Variants in MEAK7 observed in about 807,000 individuals in gnomAD.
The protein encoded by MEAK7 is MTOR associated protein MEAK7.
Under a neutral mutation model 40.5 loss-of-function variants are expected in MEAK7, and 68 were observed. That is an observed-to-expected ratio of 1.68 (90% CI 1.38 to 2.06). MEAK7 has a LOEUF of 2.06. Ranked by LOEUF, MEAK7 falls within the 30% of genes most tolerant of loss-of-function variation. MEAK7 has a pLI of 0.00. For missense variants in MEAK7, 918 were observed against 580.5 expected, an observed-to-expected ratio of 1.58 and a Z score of -5.98; for synonymous variants, 338 against 231.9, an observed-to-expected ratio of 1.46 and a Z score of -4.16.
chr16:84,496,234 G>C (rs1444619433), intron 2 of MEAK7, among the ~76,000 whole-genome samples: 2 of 152,138 alleles, frequency 1.3e-5, no homozygotes, highest in African/African-American at 4.8e-5. Context: ...ATGGTGCCCT[G>C]CATTTACTTA....
At position 84,486,850 on chromosome 16, in the gene MEAK7, C is replaced by G; in HGVS notation, c.739G>C (p.Asp247His). The G allele has an allele frequency of 6.2e-7, 1 of 1,614,152 alleles. No individual in the cohort carries two copies. The highest frequency in any genetic ancestry group is 1.1e-5 in the South Asian group (1 of 91,072). ...DQGRGFESILDVLSVMYINAQ... is the reference protein window; with the variant it reads ...DQGRGFESILHVLSVMYINAQ... ...TTGATGTACATGACAGAGAGGACAT[C>G]CAGGATGCTCTCAAAACCCCTGCCC... The change falls in exon 5 of 8, where the codon GAT (aspartate) becomes CAT (histidine). Residue 247 changes from aspartate (D) to histidine (H), a missense_variant. Physicochemically the swap from Asp to His is moderately conservative, Grantham distance 81 (BLOSUM62 -1). Coordinates refer to ENST00000343629, the MANE Select transcript of MEAK7 (RefSeq NM_020947.4).
intron 1 of MEAK7, among the ~76,000 whole-genome samples, chr16:84,500,553 C>T (rs1233486154): frequency 5.3e-5 from 8 of 152,180 alleles, no homozygotes; most frequent in Non-Finnish European, 1.0e-4. Context: ...CACTGGGGGG[C>T]TCCTTGGAAG....
chr16:84,503,473 G>A (rs72808613), intron 1 of MEAK7, among the ~76,000 whole-genome samples: 1 of 152,090 alleles, frequency 6.6e-6, no homozygotes. Context: ...TCAGAGTTGA[G>A]CCCAATCTCT....
chr16:84,498,430 G>A (rs1165586331), intron 1 of MEAK7, among the ~76,000 whole-genome samples: 1 of 149,828 alleles, frequency 6.7e-6, no homozygotes, highest in African/African-American at 2.5e-5. Flanking sequence ...CAGGATGCCT[G>A]GCTAATTTTT....
chr16:84,495,901 C>A lies in MEAK7; in HGVS notation c.166G>T (p.Glu56Ter). ...GTGACCATCTCTGGGGGAAGAGCTTCCCCGACGTGGTTCTGCCGGGGACAA... is the reference window on the plus strand; with the variant it reads ...GTGACCATCTCTGGGGGAAGAGCTTACCCGACGTGGTTCTGCCGGGGACAA... ...SLKALQNHVG[E>*]ALPPEMVTRL... is the part of the protein sequence containing the mutation. Residue 56 changes from glutamate to a stop codon, truncating the protein, a stop_gained, in exon 3 of 8, where the codon GAA (glutamate) becomes TAA (stop). Transcript: ENST00000343629. LOFTEE classifies it high-confidence loss of function. The A allele has an allele frequency of 6.2e-7, 1 of 1,614,018 alleles. No individual in the cohort carries two copies. Among genetic ancestry groups the A allele is most frequent in the Non-Finnish European group, 8.5e-7 (1 of 1,180,028 alleles).
Position 84,481,421 on chromosome 16 carries a change from G to A in MEAK7, c.1078-713C>T, listed in dbSNP as rs533832316. ...TCAGGGCCAATGACGAGCGATGACC[G>A]GGGCCTGCCGGGTGCTGCCTGTGAG... On this transcript the variant is annotated intron_variant, in intron 6 of 7. Coordinates refer to ENST00000343629, the MANE Select transcript of MEAK7 (RefSeq NM_020947.4). Among the ~76,000 whole-genome samples, 389 of 152,306 alleles carry A rather than the reference G, an allele frequency of 2.6e-3. 5 individuals carry two copies. The highest frequency in any genetic ancestry group is 8.8e-3 in the African/African-American group (366 of 41,566).
At chr16:84,485,347 G>A (rs754832174) in intron 5 of MEAK7, among the ~76,000 whole-genome samples, 6 of 152,166 alleles carry the variant, frequency 3.9e-5, no homozygotes, top group Non-Finnish European at 5.9e-5. Context: ...TGCAATCTAG[G>A]AGATAGAGGT....
At chr16:84,484,919 G>C (rs558938793) in intron 5 of MEAK7, among the ~76,000 whole-genome samples, 2 of 152,274 alleles carry the variant, frequency 1.3e-5, no homozygotes, top group African/African-American at 4.8e-5. Flanking sequence ...GCAAGATTAA[G>C]TCTGCTTGTT....
chr16:84,483,762 G>C (rs947378822), intron 5 of MEAK7, among the ~76,000 whole-genome samples: 1 of 152,216 alleles, frequency 6.6e-6, no homozygotes, highest in Non-Finnish European at 1.5e-5. Context: ...GAGGTCAAGA[G>C]GGAGGCCCTG....
chr16:84,483,426 G>A (rs776251991), intron 5 of MEAK7, among the ~76,000 whole-genome samples: 4 of 152,252 alleles, frequency 2.6e-5, no homozygotes, highest in Admixed American at 1.3e-4. Context: ...GGACTTGGCC[G>A]GAAGGGCTGC....
At position 84,480,495 on chromosome 16, in the gene MEAK7, G is replaced by GC. The variant is rs528631751; in HGVS notation, c.1257+33dup. ...GCAGAAAGGCCCCCAGGCTCAAGGG[G>GC]CCATCCTGGGATGCAGAGGACAGCT... is the stretch of plus-strand genomic sequence containing the variant. On this transcript the variant is annotated intron_variant, in intron 7 of 7. Transcript: ENST00000343629. The GC allele has an allele frequency of 8.4e-5, 131 of 1,552,302 alleles. 1 individual carries two copies. The African/African-American group carries it at 1.7e-3, about 21-fold the overall frequency.
intron 3 of MEAK7, among the ~76,000 whole-genome samples, chr16:84,495,415 A>G (rs1413682419): frequency 6.6e-6 from 1 of 152,208 alleles, no homozygotes; most frequent in East Asian, 1.9e-4. Flanking sequence ...ATATGGATTC[A>G]GTAATGGGAC....
chr16:84,498,954 T>C (rs1478840545), intron 1 of MEAK7, among the ~76,000 whole-genome samples: 5 of 152,176 alleles, frequency 3.3e-5, no homozygotes, highest in Non-Finnish European at 5.9e-5. Context: ...ATTTCCCCAT[T>C]TGTAAAGCAA....
At chr16:84,487,925 G>C (rs888148803) in intron 4 of MEAK7, 12 of 152,200 alleles carry the variant, frequency 7.9e-5, no homozygotes, top group Non-Finnish European at 1.6e-4. Context: ...TTAAGCTCTT[G>C]CTGACACAAA....
chr16:84,479,849 T>C lies in MEAK7; in HGVS notation c.*64A>G, dbSNP rs187323558. 1.4e-4 allele frequency: 178 copies of C among 1,263,680 alleles called. No individual in the cohort carries two copies. Among genetic ancestry groups the C allele is most frequent in the Non-Finnish European group, 1.9e-4 (170 of 909,302 alleles). The allele number at this position is 1,263,680 out of a possible 1,614,324, so 78.3% of individuals were successfully genotyped here. A position where few individuals can be genotyped will look rare whatever the true frequency, so the allele number is the denominator to read the frequency against. ...AAACCATGTGGGAGGGAAGAGGGGC[T>C]GCAGGCGTTGCCCTCTACCCAGAGG... is the stretch of plus-strand genomic sequence containing the variant. On this transcript the variant is annotated 3_prime_UTR_variant, in exon 8 of 8. Coordinates refer to ENST00000343629, the MANE Select transcript of MEAK7 (RefSeq NM_020947.4).
chr16:84,481,017 G>A (rs965217530), intron 6 of MEAK7, among the ~76,000 whole-genome samples: 7 of 151,482 alleles, frequency 4.6e-5, no homozygotes, highest in African/African-American at 1.7e-4. Flanking sequence ...TATATATAGA[G>A]AAAGAGACCT....
intron 1 of MEAK7, among the ~76,000 whole-genome samples, chr16:84,499,726 CT>C (rs1261136677): frequency 6.6e-6 from 1 of 152,174 alleles, no homozygotes; most frequent in African/African-American, 2.4e-5. Flanking sequence ...TTTCTGTATT[CT>C]GGGCATTTCA....
chr16:84,500,246 G>A (rs55712816), intron 1 of MEAK7, among the ~76,000 whole-genome samples: 1,685 of 152,198 alleles, frequency 0.011, 9 homozygotes, highest in Non-Finnish European at 0.015. Flanking sequence ...TCCACCTTCC[G>A]GCTATCATGA....
At chr16:84,489,856 T>C (rs1313733394) in intron 3 of MEAK7, among the ~76,000 whole-genome samples, 2 of 152,250 alleles carry the variant, frequency 1.3e-5, no homozygotes, top group East Asian at 3.9e-4. Context: ...GTTTCCATAA[T>C]GATAGAGGGC....
Sources: allele counts gnomAD v4.1 joint callset (sites outside exome capture counted in the v4.1 genomes callset), GRCh38; gene constraint gnomAD v4.1.1; transcripts MANE v1.5; gene names NCBI Gene and HGNC (gene_info 2026-07-23, HGNC 2026-07-21).